The following PARP11 variants were observed in gnomAD, a reference collection of about 807,000 sequenced individuals.
PARP11 encodes the protein protein mono-ADP-ribosyltransferase PARP11.
In PARP11, 31 loss-of-function variants were observed where a neutral mutation model predicts 42.9. That is an observed-to-expected ratio of 0.72 (90% CI 0.54 to 0.98). The LOEUF (loss-of-function observed/expected upper bound fraction) is 0.98, where lower values mean the gene tolerates loss of function less well. PARP11 is among the 50% of genes least tolerant of loss of function. The probability of loss-of-function intolerance (pLI) is 0.00; values close to 1 mark genes in which losing one functional copy is unlikely to be tolerated. For synonymous variants in PARP11, 137 were observed against 127.3 expected (o/e 1.08, Z -0.51); for missense variants, 365 against 413.1 (o/e 0.88, Z 1.01).
chr12:3,862,223 A>G (rs1384615571), intron 1 of PARP11, among the ~76,000 whole-genome samples: 3 of 152,166 alleles, frequency 2.0e-5, no homozygotes. Context: ...CAGGAGTTTT[A>G]GACTAGATCA....
At chr12:3,863,418 T>C (rs1482383595) in intron 1 of PARP11, among the ~76,000 whole-genome samples, 1 of 152,212 alleles carries the variant, frequency 6.6e-6, no homozygotes, top group Non-Finnish European at 1.5e-5. Context: ...ATCATTGCCT[T>C]GTTCTTGATC....
chr12:3,829,925 A>G lies in PARP11; in HGVS notation c.112T>C (p.Tyr38His). The change falls in exon 2 of 8, where the codon TAC (tyrosine) becomes CAC (histidine). Residue 38 changes from tyrosine to histidine, a missense_variant. Transcript: ENST00000228820. ...DTSDTQWGWF[Y>H]LAECGKWHMF... The stretch of plus-strand genomic sequence containing the variant: ...TGCCACTTCCCACATTCTGCCAAGT[A>G]AAACCAGCCCCACTGGGTATCTGAC... The G allele has an allele frequency of 6.2e-7, 1 of 1,614,026 alleles. No homozygotes were observed. The highest frequency in any genetic ancestry group is 1.1e-5 in the South Asian group (1 of 91,074).
intron 1 of PARP11, among the ~76,000 whole-genome samples, chr12:3,859,019 C>T (rs1414179693): frequency 1.3e-5 from 2 of 150,982 alleles, no homozygotes; most frequent in Admixed American, 6.6e-5. Context: ...ATCATTTGAA[C>T]CCAGGAGGTG....
chr12:3,828,968 GT>G lies in PARP11; in HGVS notation c.209del (p.Asn70ThrfsTer17), dbSNP rs764769868. 3.7e-6 allele frequency: 6 copies of G among 1,613,884 alleles called. No individual in the cohort carries two copies. The highest frequency in any genetic ancestry group is 4.2e-6 in the Non-Finnish European group (5 of 1,179,818). ...SEDIEKSFKT[N>X]PCGSISFTTS... ...TAGTAAAAGAAATGGAGCCACAAGGGTTTGTTTTGAAGCTTTTTTCGATATC... is the reference window on the plus strand; with the variant it reads ...TAGTAAAAGAAATGGAGCCACAAGGGTTGTTTTGAAGCTTTTTTCGATATC... On this transcript the variant is annotated frameshift_variant, in exon 3 of 8. Coordinates refer to ENST00000228820, the MANE Select transcript of PARP11 (RefSeq NM_020367.6). LOFTEE classifies it high-confidence loss of function.
chr12:3,839,932 A>C, intron 1 of PARP11: 1 of 1,148,086 alleles, frequency 8.7e-7, no homozygotes, highest in Non-Finnish European at 1.3e-6. Flanking sequence ...CAGCTGCAAG[A>C]GTAAAACTGC....
In PARP11 at chr12:3,811,059, T is replaced by C. The variant is rs1308195845; in HGVS notation, c.*1064A>G. The C allele has an allele frequency of 6.6e-6, 1 of 152,102 alleles. No individual in the cohort carries two copies. The allele number at this position is 152,102 out of a possible 1,614,324, so 9.4% of individuals were successfully genotyped here. A position where few individuals can be genotyped will look rare whatever the true frequency, so the allele number is the denominator to read the frequency against. On this transcript the variant is annotated 3_prime_UTR_variant, in exon 8 of 8. Transcript: ENST00000228820. ...AAAACAGATGGAACAGGTAAACAAATTTCCACTAAACATGATTAAGAATTA... is the reference window on the plus strand; with the variant it reads ...AAAACAGATGGAACAGGTAAACAAACTTCCACTAAACATGATTAAGAATTA...
intron 1 of PARP11, among the ~76,000 whole-genome samples, chr12:3,838,657 G>A (rs1198832893): frequency 6.6e-6 from 1 of 152,208 alleles, no homozygotes; most frequent in Non-Finnish European, 1.5e-5. Context: ...AAGATCAATG[G>A]TGCAAAAAGC....
Position 3,861,150 on chromosome 12 carries a change from G to C in PARP11, c.18+12062C>G, listed in dbSNP as rs541403675. Among the ~76,000 whole-genome samples the C allele has an allele frequency of 9.8e-5, 15 of 152,300 alleles. No individual in the cohort carries two copies. Among genetic ancestry groups the C allele is most frequent in the African/African-American group, 2.9e-4 (12 of 41,558 alleles). On this transcript the variant is annotated intron_variant, in intron 1 of 7. Transcript: ENST00000228820. This position sits in a 1 kb window ranked among gnomAD's most constrained non-coding sequence, Gnocchi z 4.6. ...TATCAGTTAAGACTCTGGGGTGATT[G>C]GGATAAAATGAATGTAATTTGCATG...
chr12:3,845,349 G>A (rs995218563), intron 1 of PARP11, among the ~76,000 whole-genome samples: 4 of 152,264 alleles, frequency 2.6e-5, no homozygotes, highest in Middle Eastern at 3.4e-3. Context: ...CCACAATGCC[G>A]ATATATCTTA....
At chr12:3,826,702 T>G (rs1405439286) in intron 3 of PARP11, among the ~76,000 whole-genome samples, 2 of 152,192 alleles carry the variant, frequency 1.3e-5, no homozygotes, top group East Asian at 1.9e-4. Flanking sequence ...TTTCAAAAAT[T>G]TCTACATTTC....
At position 3,861,626 on chromosome 12, in the gene PARP11, A is replaced by G. The variant is rs1360171345; in HGVS notation, c.18+11586T>C. Reference sequence around the variant, plus strand: ...TCTCCCGTCTGTGGCTTATCTTTTCATTCTCCTAGAAGCATGTTTTCAACA... The same window carrying G: ...TCTCCCGTCTGTGGCTTATCTTTTCGTTCTCCTAGAAGCATGTTTTCAACA... On this transcript the variant is annotated intron_variant, in intron 1 of 7. Transcript: ENST00000228820. The surrounding 1 kb of genome is among the most constrained non-coding windows in gnomAD (Gnocchi z 4.6). 1.3e-5 allele frequency among the ~76,000 whole-genome samples: 2 copies of G among 151,960 alleles called. No individual in the cohort carries two copies. The highest frequency in any genetic ancestry group is 2.9e-5 in the Non-Finnish European group (2 of 67,972).
At chr12:3,851,164 G>C (rs1948089356) in intron 1 of PARP11, among the ~76,000 whole-genome samples, 1 of 152,230 alleles carries the variant, frequency 6.6e-6, no homozygotes, top group Non-Finnish European at 1.5e-5. Context: ...AATAGGAACA[G>C]CTCTGGTCCA....
intron 1 of PARP11, among the ~76,000 whole-genome samples, chr12:3,833,176 T>G (rs1368671987): frequency 1.3e-5 from 2 of 152,240 alleles, no homozygotes; most frequent in East Asian, 3.8e-4. Flanking sequence ...GAAATCATAT[T>G]TGGTAATAAC....
At chr12:3,872,647 G>T (rs566777876) in intron 1 of PARP11, 1 of 985,336 alleles carries the variant, frequency 1.0e-6, no homozygotes, top group Non-Finnish European at 1.2e-6. Flanking sequence ...GGGAAAAGGA[G>T]AACTGATGGC....
At chr12:3,825,163 ACTTG>A (rs1345039758) in intron 4 of PARP11, among the ~76,000 whole-genome samples, 1 of 152,050 alleles carries the variant, frequency 6.6e-6, no homozygotes, top group Non-Finnish European at 1.5e-5. Context: ...GAATTTCAAT[ACTTG>A]CTTGAAGAGT....
chr12:3,812,485 A>G (rs1947200835), intron 7 of PARP11, 46 bp from the exon 8 acceptor site: 1 of 1,426,956 alleles, frequency 7.0e-7, no homozygotes, highest in African/African-American at 1.4e-5. Flanking sequence ...TCCGAAGAAT[A>G]TATTAAAAAC....
rs551117250 is a variant in PARP11, at chr12:3,861,304, T to C, written c.18+11908A>G. ...TAATGTGATATGAAAATGGGGCCTT[T>C]GGGAGGTGATTAGATCATGAAGGCA... is the stretch of plus-strand genomic sequence containing the variant. On this transcript the variant is annotated intron_variant, in intron 1 of 7. Transcript: ENST00000228820. This position sits in a 1 kb window ranked among gnomAD's most constrained non-coding sequence, Gnocchi z 4.6. Among the ~76,000 whole-genome samples the C allele has an allele frequency of 6.6e-6, 1 of 152,304 alleles. No homozygotes were observed. Among genetic ancestry groups the C allele is most frequent in the South Asian group, 2.1e-4 (1 of 4,826 alleles).
intron 1 of PARP11, among the ~76,000 whole-genome samples, chr12:3,833,322 G>A (rs369596469): frequency 2.7e-4 from 41 of 152,280 alleles, no homozygotes; most frequent in African/African-American, 8.9e-4. Flanking sequence ...CTAGTAGGCC[G>A]GGCGTGGTAG....
intron 1 of PARP11, among the ~76,000 whole-genome samples, chr12:3,831,750 G>C (rs962962579): frequency 2.6e-5 from 4 of 152,076 alleles, no homozygotes; most frequent in African/African-American, 9.7e-5. Flanking sequence ...AAAGCCTTCT[G>C]GTTTAGGACC....
Sources: allele counts gnomAD v4.1 joint callset (sites outside exome capture counted in the v4.1 genomes callset), GRCh38; gene constraint gnomAD v4.1.1; non-coding constraint Gnocchi (gnomAD v3.1); transcripts MANE v1.5; gene names NCBI Gene and HGNC (gene_info 2026-07-23, HGNC 2026-07-21).